MAEA: variants seen among roughly 807,000 people sequenced by gnomAD.
MAEA encodes macrophage erythroblast attacher, E3 ubiquitin ligase, also known as E3 ubiquitin-protein transferase MAEA.
In MAEA, 22 loss-of-function variants were observed where a neutral mutation model predicts 46.2. The ratio of observed to expected loss-of-function variants is 0.48; its 90% CI spans 0.34 to 0.68. The LOEUF is 0.68. Among genes scored for constraint, MAEA ranks in the 30% least tolerant of loss-of-function variants. The pLI is 0.01. For synonymous variants in MAEA, 246 were observed against 222.6 expected (o/e 1.11, Z -0.94); for missense variants, 393 against 558.1 (o/e 0.70, Z 2.98).
intron 2 of MAEA, chr4:1,312,480 A>G (rs1577171116): frequency 3.7e-6 from 1 of 273,458 alleles, no homozygotes; most frequent in Non-Finnish European, 6.4e-6. Flanking sequence ...TTCAGGCTGG[A>G]GTTCAGTGGT....
intron 4 of MAEA, among the ~76,000 whole-genome samples, chr4:1,325,158 C>CT (rs1738645510): frequency 6.6e-6 from 1 of 152,178 alleles, no homozygotes; most frequent in Non-Finnish European, 1.5e-5. Flanking sequence ...AGACTGTGCT[C>CT]TAACGGGTCC....
chr4:1,298,683 G>A (rs888410831), intron 1 of MAEA, among the ~76,000 whole-genome samples: 2 of 152,052 alleles, frequency 1.3e-5, no homozygotes, highest in Non-Finnish European at 2.9e-5. Context: ...TTTCCCCCCG[G>A]GCTCAGTCCT....
intron 1 of MAEA, among the ~76,000 whole-genome samples, chr4:1,305,074 C>T (rs1315682023): frequency 2.6e-5 from 4 of 152,200 alleles, no homozygotes; most frequent in African/African-American, 7.2e-5. Flanking sequence ...GTGGACTTCT[C>T]TTCACCATCT....
chr4:1,326,706 C>T (rs1393703458), intron 4 of MAEA, among the ~76,000 whole-genome samples: 3 of 151,786 alleles, frequency 2.0e-5, no homozygotes, highest in African/African-American at 2.4e-5. Flanking sequence ...ATCCTGGAAG[C>T]GCCCTCCCTT....
In MAEA at chr4:1,339,512, C is replaced by T; in HGVS notation, c.*343C>T. 3 of 297,164 alleles carry T rather than the reference C, an allele frequency of 1.0e-5. No homozygotes were observed. Among genetic ancestry groups the T allele is most frequent in the South Asian group, 7.6e-5 (2 of 26,474 alleles). 18.4% of individuals were successfully genotyped at this position (297,164 alleles called of 1,614,324 possible). A position where few individuals can be genotyped will look rare whatever the true frequency, so the allele number is the denominator to read the frequency against. Reference sequence around the variant, plus strand: ...GGAGTCCGTGATTTCCCTGTGTTTTCAGTTTCTTTCCTTCTGTGAACGATG... The same window carrying T: ...GGAGTCCGTGATTTCCCTGTGTTTTTAGTTTCTTTCCTTCTGTGAACGATG... On this transcript the variant is annotated 3_prime_UTR_variant, in exon 9 of 9. Coordinates refer to ENST00000303400, the MANE Select transcript of MAEA (RefSeq NM_001017405.3).
At chr4:1,314,792 C>T (rs993738450) in intron 2 of MAEA, among the ~76,000 whole-genome samples, 6 of 152,220 alleles carry the variant, frequency 3.9e-5, no homozygotes, top group African/African-American at 9.6e-5. Context: ...GATTTCTGCA[C>T]AGCAGTTGGA....
At chr4:1,337,613 C>T (rs1712956479) in intron 7 of MAEA, 1 of 170,850 alleles carries the variant, frequency 5.9e-6, no homozygotes, top group Non-Finnish European at 1.3e-5. Context: ...CTGCAACTGA[C>T]TTCTTCCTGC....
chr4:1,312,750 A>AT (rs1482713514), intron 2 of MAEA, among the ~76,000 whole-genome samples: 2 of 152,038 alleles, frequency 1.3e-5, no homozygotes, highest in Non-Finnish European at 2.9e-5. Context: ...TTTAGATGGA[A>AT]TTTCACCTCC....
chr4:1,315,622 G>A (rs745540118), intron 3 of MAEA, 22 bp downstream of exon 3: 182 of 1,610,736 alleles, frequency 1.1e-4, no homozygotes, highest in Non-Finnish European at 1.4e-4. Flanking sequence ...CCAGACGCAG[G>A]CACAGCGCCC....
At chr4:1,330,175 G>A (rs1196232743) in intron 5 of MAEA, 3 of 982,242 alleles carry the variant, frequency 3.1e-6, no homozygotes, top group Middle Eastern at 5.2e-4. Context: ...AAATGAGTAA[G>A]TGAATCCCTG....
chr4:1,297,212 C>T (rs1734821286), intron 1 of MAEA, among the ~76,000 whole-genome samples: 1 of 152,250 alleles, frequency 6.6e-6, no homozygotes, highest in Non-Finnish European at 1.5e-5. Context: ...TGTTCAGTGA[C>T]AGCCGAGAAC....
At chr4:1,292,747 G>A (rs1399450675) in intron 1 of MAEA, among the ~76,000 whole-genome samples, 4 of 152,158 alleles carry the variant, frequency 2.6e-5, no homozygotes, top group Non-Finnish European at 4.4e-5. Context: ...CTTACCAAAC[G>A]GAGGTGTGGC....
At chr4:1,303,076 C>G (rs73071935) in intron 1 of MAEA, among the ~76,000 whole-genome samples, 23,253 of 151,586 alleles carry the variant, frequency 0.15, 3,432 homozygotes, top group East Asian at 0.42. Flanking sequence ...ATCCCCAAGA[C>G]CAGTAGAAAC....
intron 3 of MAEA, among the ~76,000 whole-genome samples, chr4:1,320,231 CAGAAA>C (rs1378716536): frequency 6.9e-6 from 1 of 144,780 alleles, no homozygotes; most frequent in Non-Finnish European, 1.5e-5. Context: ...GAAGGGGCTT[CAGAAA>C]AGAAATCAAA....
intron 4 of MAEA, among the ~76,000 whole-genome samples, chr4:1,323,864 G>A (rs1577207768): frequency 6.6e-6 from 1 of 152,258 alleles, no homozygotes; most frequent in Non-Finnish European, 1.5e-5. Context: ...GCCAGGACTC[G>A]GGGCCCTGAA....
intron 5 of MAEA, chr4:1,331,642 G>C (rs369101040): frequency 5.2e-5 from 8 of 152,562 alleles, no homozygotes; most frequent in African/African-American, 1.9e-4. Context: ...TCTGTGCATT[G>C]GGGTCGCTTT....
At chr4:1,313,294 T>A (rs747263834) in intron 2 of MAEA, among the ~76,000 whole-genome samples, 5 of 152,146 alleles carry the variant, frequency 3.3e-5, no homozygotes, top group Non-Finnish European at 7.3e-5. Context: ...AAGTACAACG[T>A]CCAGCACAGA....
intron 3 of MAEA, among the ~76,000 whole-genome samples, chr4:1,321,312 T>G (rs1201922890): frequency 6.7e-6 from 1 of 150,138 alleles, no homozygotes; most frequent in African/African-American, 2.5e-5. Flanking sequence ...AAAGATATCA[T>G]CAAAGCAAAC....
At chr4:1,292,203 A>G (rs1236582267) in intron 1 of MAEA, among the ~76,000 whole-genome samples, 1 of 152,120 alleles carries the variant, frequency 6.6e-6, no homozygotes, top group East Asian at 1.9e-4. Flanking sequence ...AGCAGCTGGC[A>G]TGCTCTGGAC....
Sources: gnomAD v4.1 joint callset for allele counts (sites outside exome capture counted in the v4.1 genomes callset) on GRCh38, gnomAD v4.1.1 for gene constraint, MANE v1.5 for transcripts, NCBI Gene and HGNC (gene_info 2026-07-23, HGNC 2026-07-21) for gene names.